The following PRKDC variants were observed in gnomAD, a reference collection of about 807,000 sequenced individuals.
The protein encoded by PRKDC is DNA-dependent protein kinase catalytic subunit.
Under a neutral mutation model 486.9 loss-of-function variants are expected in PRKDC, and 82 were observed. The ratio of observed to expected loss-of-function variants is 0.17; its 90% CI spans 0.14 to 0.20. The LOEUF (loss-of-function observed/expected upper bound fraction) is 0.20, where lower values mean the gene tolerates loss of function less well. PRKDC is among the 10% of genes least tolerant of loss of function. The probability of loss-of-function intolerance (pLI) is 1.00; values close to 1 mark genes in which losing one functional copy is unlikely to be tolerated. For synonymous variants in PRKDC, 1,895 were observed against 1,837.0 expected (o/e 1.03, Z -0.81); for missense variants, 4,504 against 5,038.2 (o/e 0.89, Z 3.21).
rs141002226 is a variant in PRKDC at position 47,855,407 on chromosome 8, G to A, written c.6610-34C>T. ...GTACAGAAATTCTGTATTAATATGC[G>A]GCATTCCATTCTGGAAAGCATTTTT... On this transcript the variant is annotated intron_variant, in intron 49 of 85. Coordinates refer to ENST00000314191, the MANE Select transcript of PRKDC (RefSeq NM_006904.7). The A allele has an allele frequency of 4.2e-4, 637 of 1,526,808 alleles. 5 individuals carry two copies. In the African/African-American group the frequency reaches 7.4e-3, roughly 18 times the overall value. 94.6% of individuals were successfully genotyped at this position (1,526,808 alleles called of 1,614,324 possible).
chr8:47,916,175 G>A (rs532393958), intron 22 of PRKDC, among the ~76,000 whole-genome samples: 2 of 152,254 alleles, frequency 1.3e-5, no homozygotes, highest in African/African-American at 2.4e-5. Context: ...TAGGCTGGGC[G>A]CAGTGGCTCA....
At chr8:47,799,605 C>T (rs2087055907) in intron 71 of PRKDC, among the ~76,000 whole-genome samples, 1 of 152,200 alleles carries the variant, frequency 6.6e-6, no homozygotes, top group Non-Finnish European at 1.5e-5. Flanking sequence ...AACAAAAATG[C>T]AAGCCCAGCG....
chr8:47,836,312 T>C, intron 58 of PRKDC, 26 bp downstream of exon 58: 1 of 1,527,720 alleles, frequency 6.5e-7, no homozygotes, highest in Non-Finnish European at 8.8e-7. Flanking sequence ...GCTGTATACA[T>C]GGCCAGCGGG....
intron 11 of PRKDC, among the ~76,000 whole-genome samples, 157 bp from the exon 12 acceptor site, chr8:47,936,674 T>C (rs1589804895): frequency 6.6e-6 from 1 of 151,954 alleles, no homozygotes; most frequent in East Asian, 1.9e-4. Flanking sequence ...TGGAGTGCAA[T>C]GGCGTGATCT....
intron 73 of PRKDC, among the ~76,000 whole-genome samples, chr8:47,795,484 C>G (rs545357695): frequency 7.0e-6 from 1 of 143,220 alleles, no homozygotes; most frequent in Admixed American, 7.0e-5. Context: ...CCACCGCACC[C>G]GGCCTTTTTT....
Position 47,886,094 on chromosome 8 carries a change from G to A in PRKDC, c.4626C>T (p.Ser1542=), listed in dbSNP as rs776255004. ...LLNPAVLSTA[S]LGSSQGSVIH... The stretch of plus-strand genomic sequence containing the variant: ...TGACGCTGCCCTGTGAGCTGCCCAA[G>A]GACGCCGTGGACAGCACCGCTGGGT... Residue 1542 remains serine, a synonymous_variant, in exon 36 of 86, where the codon TCC becomes TCT. Transcript: ENST00000314191. 14 of 1,613,394 alleles carry A rather than the reference G, an allele frequency of 8.7e-6. No homozygotes were observed. The African/African-American group carries it at 1.7e-4, about 20-fold the overall frequency.
intron 41 of PRKDC, among the ~76,000 whole-genome samples, chr8:47,864,304 C>G (rs1316030028): frequency 6.6e-6 from 1 of 152,166 alleles, no homozygotes; most frequent in Non-Finnish European, 1.5e-5. Context: ...GTGGCCCTGA[C>G]AACACTGTGA....
intron 7 of PRKDC, among the ~76,000 whole-genome samples, chr8:47,950,262 A>C (rs1287637046): frequency 6.6e-6 from 1 of 150,844 alleles, no homozygotes; most frequent in African/African-American, 2.4e-5. Context: ...ACAAGAGTGA[A>C]ACTCTGTCTC....
chr8:47,813,093 ATATTTATT>A lies in PRKDC; in HGVS notation c.9557+4349_9557+4356del, dbSNP rs139524100. Among the ~76,000 whole-genome samples the A allele has an allele frequency of 8.7e-3, 1,282 of 148,186 alleles. 13 individuals are homozygous for A. Among genetic ancestry groups the A allele is most frequent in the South Asian group, 0.035 (166 of 4,678 alleles). ...AAAAATGACACAAAAATAGAATTTTATATTTATTTATTTATTTATTTATTTATTTATTT... is the reference window on the plus strand; with the variant it reads ...AAAAATGACACAAAAATAGAATTTTATATTTATTTATTTATTTATTTATTT... On this transcript the variant is annotated intron_variant, in intron 68 of 85. Transcript: ENST00000314191.
At chr8:47,946,915 C>A (rs1197581403) in intron 7 of PRKDC, among the ~76,000 whole-genome samples, 1 of 152,208 alleles carries the variant, frequency 6.6e-6, no homozygotes, top group Non-Finnish European at 1.5e-5. Flanking sequence ...CCACACCCAA[C>A]AGCAGTCAGG....
At chr8:47,857,859 C>T (rs1206131802) in intron 48 of PRKDC, among the ~76,000 whole-genome samples, 1 of 152,140 alleles carries the variant, frequency 6.6e-6, no homozygotes, top group Admixed American at 6.5e-5. Flanking sequence ...GGTGTCACCC[C>T]ACCACTTAGT....
intron 69 of PRKDC, among the ~76,000 whole-genome samples, chr8:47,806,346 C>G (rs965190735): frequency 6.6e-6 from 1 of 152,210 alleles, no homozygotes; most frequent in Non-Finnish European, 1.5e-5. Flanking sequence ...CAGTTCAGAT[C>G]GCCCCTTCTG....
At chr8:47,888,402 T>C in intron 34 of PRKDC, 116 bp downstream of exon 34, 1 of 864,574 alleles carries the variant, frequency 1.2e-6, no homozygotes, top group South Asian at 3.7e-5. Flanking sequence ...AGTATTTCTA[T>C]AATTCCCATT....
intron 77 of PRKDC, 40 bp downstream of exon 77, chr8:47,785,073 C>T (rs780724075): frequency 1.3e-6 from 2 of 1,574,824 alleles, no homozygotes; most frequent in Non-Finnish European, 1.7e-6. Flanking sequence ...GTGCTGTGCT[C>T]CTGACAGTAC....
At chr8:47,815,658 CAGAA>C (rs1042107994) in intron 68 of PRKDC, among the ~76,000 whole-genome samples, 5 of 152,074 alleles carry the variant, frequency 3.3e-5, no homozygotes, top group African/African-American at 1.2e-4. Context: ...AGTAAGTAAA[CAGAA>C]GGAAGGGTGC....
At chr8:47,784,868 T>C (rs1170684296) in intron 77 of PRKDC, among the ~76,000 whole-genome samples, 1 of 152,180 alleles carries the variant, frequency 6.6e-6, no homozygotes, top group African/African-American at 2.4e-5. Context: ...TATTACCAAA[T>C]GAAAATCTGA....
Position 47,959,098 on chromosome 8 carries a change from C to T in PRKDC, c.154+875G>A, listed in dbSNP as rs1305666946. On this transcript the variant is annotated intron_variant, in intron 1 of 85. Transcript: ENST00000314191. ...TACACCATATTCACTACTAGACCCT[C>T]CGGAAGAAAATCTCACCTTTTAATA... The T allele has an allele frequency of 3.9e-5, 6 of 152,258 alleles. No individual in the cohort carries two copies. The East Asian group carries it at 7.7e-4, about 20-fold the overall frequency. The allele number at this position is 152,258 out of a possible 1,614,324, so 9.4% of individuals were successfully genotyped here.
chr8:47,918,874 A>G (rs1040001559), intron 21 of PRKDC, among the ~76,000 whole-genome samples: 3 of 152,246 alleles, frequency 2.0e-5, no homozygotes, highest in African/African-American at 2.4e-5. Context: ...CTGATTCAGA[A>G]GAATAGTCAG....
In PRKDC at chr8:47,789,214, T is replaced by C. The variant is rs1328874967; in HGVS notation, c.10695A>G (p.Gly3565=). 1.3e-6 allele frequency: 2 copies of C among 1,596,298 alleles called. No homozygotes were observed. The highest frequency in any genetic ancestry group is 1.8e-5 in the Admixed American group (1 of 56,876). The change falls in exon 75 of 86, where the codon GGA becomes GGG. Residue 3565 remains glycine (G), a synonymous_variant. Coordinates refer to ENST00000314191, the MANE Select transcript of PRKDC (RefSeq NM_006904.7). ...CATTAATAAAATCTTGAATCACTCC[T>C]CCTTGATCCAACTTACTTTTAATCC... ...VARIKSKLDQ[G]GVIQDFINAL...
Sources: gnomAD v4.1 joint callset for allele counts (sites outside exome capture counted in the v4.1 genomes callset) on GRCh38, gnomAD v4.1.1 for gene constraint, MANE v1.5 for transcripts, NCBI Gene and HGNC (gene_info 2026-07-23, HGNC 2026-07-21) for gene names.